Variants in DTNA observed in about 807,000 individuals in gnomAD.
The protein encoded by DTNA is dystrobrevin alpha, also known as dystrophin-related protein 3.
A neutral mutation model predicts 100.7 loss-of-function variants in DTNA; 43 were observed. That is an observed-to-expected ratio of 0.43 (90% CI 0.33 to 0.55). DTNA has a LOEUF of 0.55. Ranked by LOEUF, DTNA falls within the 20% of genes least tolerant of loss-of-function variation. DTNA has a pLI of 0.04. For missense variants in DTNA, 798 were observed against 953.9 expected (o/e 0.84, Z 2.15); for synonymous variants, 349 against 347.9 (o/e 1.00, Z -0.04).
chr18:34,784,238 A>G (rs1397128123), intron 3 of DTNA, among the ~76,000 whole-genome samples: 3 of 152,230 alleles, frequency 2.0e-5, no homozygotes, highest in Non-Finnish European at 4.4e-5. Context: ...ATTTAACTTT[A>G]GGAGATTCAA....
chr18:34,628,351 A>G (rs1026500595), intron 1 of DTNA, among the ~76,000 whole-genome samples: 4 of 152,242 alleles, frequency 2.6e-5, no homozygotes, highest in African/African-American at 9.6e-5. Flanking sequence ...TTGGTAAAGG[A>G]TTCACATATT....
At chr18:34,716,332 C>T (rs1003248156) in intron 1 of DTNA, among the ~76,000 whole-genome samples, 2 of 152,094 alleles carry the variant, frequency 1.3e-5, no homozygotes, top group African/African-American at 2.4e-5. Context: ...GAGGCCGAGG[C>T]GGGTGGATCG....
intron 2 of DTNA, among the ~76,000 whole-genome samples, chr18:34,763,588 CTA>C (rs1568443445): frequency 6.6e-6 from 1 of 152,042 alleles, no homozygotes; most frequent in Non-Finnish European, 1.5e-5. Context: ...AATGAGCCGT[CTA>C]TTTTTAAAAA....
intron 14 of DTNA, 83 bp from the exon 15 acceptor site, chr18:34,851,748 C>T: frequency 1.5e-6 from 2 of 1,364,038 alleles, no homozygotes; most frequent in Non-Finnish European, 2.1e-6. Context: ...TCCTCCTTGT[C>T]TGCATATCTC....
chr18:34,820,998 A>G, intron 9 of DTNA, 83 bp downstream of exon 9: 1 of 1,588,690 alleles, frequency 6.3e-7, no homozygotes, highest in South Asian at 1.1e-5. Context: ...ATTTCCTATC[A>G]GTGGTCAGCA....
intron 1 of DTNA, among the ~76,000 whole-genome samples, chr18:34,538,489 C>G (rs914559280): frequency 1.7e-4 from 26 of 152,108 alleles, no homozygotes; most frequent in Admixed American, 6.6e-4. Context: ...GGATTCTGAC[C>G]AGTAGAATCT....
intron 1 of DTNA, among the ~76,000 whole-genome samples, chr18:34,620,230 A>T (rs997812228): frequency 1.3e-5 from 2 of 152,182 alleles, no homozygotes; most frequent in Non-Finnish European, 2.9e-5. Context: ...TCAACATAAG[A>T]TTGCTATTTG....
chr18:34,890,472 C>G lies in DTNA; in HGVS notation c.*2738C>G, dbSNP rs1264101321. 2.0e-6 allele frequency: 3 copies of G among 1,535,762 alleles called. No homozygotes were observed. Among genetic ancestry groups the G allele is most frequent in the Non-Finnish European group, 2.6e-6 (3 of 1,146,832 alleles). On this transcript the variant is annotated 3_prime_UTR_variant, in exon 23 of 23. Coordinates refer to ENST00000444659, the MANE Select transcript of DTNA (RefSeq NM_001386795.1). ...ACCCAGCAAGTTTCACTTGTCCTGTCCATTAGATACAACTACATCTTGCGG... is the reference window on the plus strand; with the variant it reads ...ACCCAGCAAGTTTCACTTGTCCTGTGCATTAGATACAACTACATCTTGCGG...
intron 1 of DTNA, among the ~76,000 whole-genome samples, chr18:34,730,699 C>T (rs1262479124): frequency 1.3e-5 from 2 of 152,186 alleles, no homozygotes; most frequent in Non-Finnish European, 2.9e-5. Context: ...CCCTTTTCAC[C>T]ACCTTTGGGA....
At chr18:34,681,001 C>T (rs942945719) in intron 1 of DTNA, among the ~76,000 whole-genome samples, 8 of 152,032 alleles carry the variant, frequency 5.3e-5, no homozygotes, top group Admixed American at 5.3e-4. Flanking sequence ...AACCCTGAAC[C>T]TCATTAACAC....
chr18:34,712,756 T>C (rs927000175), intron 1 of DTNA, among the ~76,000 whole-genome samples: 1 of 152,178 alleles, frequency 6.6e-6, no homozygotes, highest in Non-Finnish European at 1.5e-5. Context: ...GTAGTGTTTG[T>C]TAACATTTTA....
chr18:34,707,484 A>G (rs1318143218), upstream of DTNA, among the ~76,000 whole-genome samples: 1 of 152,206 alleles, frequency 6.6e-6, no homozygotes, highest in Non-Finnish European at 1.5e-5. Context: ...TAAAGAATCA[A>G]CAGTCACTTT....
intron 1 of DTNA, among the ~76,000 whole-genome samples, chr18:34,516,689 A>G (rs2041656345): frequency 6.6e-6 from 1 of 152,156 alleles, no homozygotes; most frequent in Non-Finnish European, 1.5e-5. Context: ...TTTTGTAAGA[A>G]GAGAAATATG....
At chr18:34,497,751 G>A (rs1418774175) in intron 1 of DTNA, among the ~76,000 whole-genome samples, 4 of 151,302 alleles carry the variant, frequency 2.6e-5, no homozygotes, top group African/African-American at 4.9e-5. Flanking sequence ...TATTTTATAC[G>A]TGAAAAATAT....
At chr18:34,865,619 C>T (rs1453780849) in intron 17 of DTNA, among the ~76,000 whole-genome samples, 1 of 152,184 alleles carries the variant, frequency 6.6e-6, no homozygotes, top group African/African-American at 2.4e-5. Context: ...CTGTTTCTGG[C>T]CTGTTAATCT....
At chr18:34,751,429 T>C (rs73424207) in intron 1 of DTNA, among the ~76,000 whole-genome samples, 1 of 152,136 alleles carries the variant, frequency 6.6e-6, no homozygotes, top group Admixed American at 6.5e-5. Flanking sequence ...AATTTCCTAC[T>C]TAAACCTTGG....
At chr18:34,579,288 AAT>A (rs1321545442) in intron 1 of DTNA, among the ~76,000 whole-genome samples, 1 of 152,206 alleles carries the variant, frequency 6.6e-6, no homozygotes, top group African/African-American at 2.4e-5. Context: ...TTAAAATATG[AAT>A]AGATAGGTAG....
intron 7 of DTNA, 124 bp from the exon 8 acceptor site, chr18:34,818,040 A>G (rs2095634023): frequency 4.0e-5 from 64 of 1,582,442 alleles, no homozygotes; most frequent in Non-Finnish European, 5.3e-5. Flanking sequence ...TCTGAGCCCA[A>G]ATCAACTATC....
chr18:34,675,889 G>A (rs2077341067), intron 1 of DTNA, among the ~76,000 whole-genome samples: 1 of 152,154 alleles, frequency 6.6e-6, no homozygotes, highest in African/African-American at 2.4e-5. Context: ...CTGCCTTTGT[G>A]GAGCTATATT....
Sources: allele counts gnomAD v4.1 joint callset (sites outside exome capture counted in the v4.1 genomes callset), GRCh38; gene constraint gnomAD v4.1.1; transcripts MANE v1.5; gene names NCBI Gene and HGNC (gene_info 2026-07-23, HGNC 2026-07-21).